DYNC1LI2: variants seen among roughly 807,000 people sequenced by gnomAD.
The protein encoded by DYNC1LI2 is cytoplasmic dynein 1 light intermediate chain 2.
DYNC1LI2 carries 19 observed loss-of-function variants against 57.8 expected under a neutral mutation model. The observed-to-expected ratio is 0.33, with a 90% CI of 0.23 to 0.48. The LOEUF (loss-of-function observed/expected upper bound fraction) is 0.48. DYNC1LI2 is among the 20% of genes least tolerant of loss of function. The pLI is 0.99. For synonymous variants in DYNC1LI2, 256 were observed against 233.4 expected (o/e 1.10, Z -0.88); for missense variants, 470 against 604.2 (o/e 0.78, Z 2.33).
chr16:66,743,601 T>A (rs2017881497), intron 3 of DYNC1LI2, among the ~76,000 whole-genome samples: 1 of 149,860 alleles, frequency 6.7e-6, no homozygotes, highest in Non-Finnish European at 1.5e-5. Flanking sequence ...GTCTCTTAGC[T>A]TTCAATAAAA....
rs921302190 is a variant in DYNC1LI2 at position 66,723,902 on chromosome 16, T to TA, written c.1379-81dup. On this transcript the variant is annotated intron_variant, in intron 12 of 12. Transcript: ENST00000258198. ...TTTTTTTTAAAGGAGCATTTAAAAT[T>TA]ATACGCCTTCTATAATCACTTGATG... is the stretch of plus-strand genomic sequence containing the variant. 3.5e-5 allele frequency: 40 copies of TA among 1,140,800 alleles called. 1 individual carries two copies. The highest frequency in any genetic ancestry group is 1.9e-4 in the Admixed American group (8 of 41,040). The allele number at this position is 1,140,800 out of a possible 1,614,324, so 70.7% of individuals were successfully genotyped here.
At chr16:66,738,928 CACACA>C (rs1567454254) in intron 4 of DYNC1LI2, 9 of 134,530 alleles carry the variant, frequency 6.7e-5, no homozygotes, top group African/African-American at 2.4e-4. Flanking sequence ...CACACACACA[CACACA>C]CAAATACTTC....
intron 4 of DYNC1LI2, among the ~76,000 whole-genome samples, chr16:66,736,990 G>A (rs2017745990): frequency 6.6e-6 from 1 of 152,120 alleles, no homozygotes; most frequent in African/African-American, 2.4e-5. Flanking sequence ...AATGCCTAAT[G>A]AGCTGGGCAC....
chr16:66,727,479 A>G (rs1381010326), intron 11 of DYNC1LI2, among the ~76,000 whole-genome samples: 1 of 152,194 alleles, frequency 6.6e-6, no homozygotes, highest in Admixed American at 6.5e-5. Flanking sequence ...TGGGCTACCA[A>G]TTCTAACAAA....
At chr16:66,723,857 G>A in intron 12 of DYNC1LI2, 35 bp from the exon 13 acceptor site, 1 of 1,546,766 alleles carries the variant, frequency 6.5e-7, no homozygotes, top group Non-Finnish European at 8.7e-7. Context: ...GCAAAGTAAT[G>A]ATGTGAGAAG....
At chr16:66,730,548 C>T (rs2062286576) in intron 7 of DYNC1LI2, 1 of 195,192 alleles carries the variant, frequency 5.1e-6, no homozygotes, top group Admixed American at 5.7e-5. Flanking sequence ...CAGTGGGGTC[C>T]TGTTCCGACA....
chr16:66,729,647 G>A (rs1555505116), intron 8 of DYNC1LI2, among the ~76,000 whole-genome samples: 1 of 148,096 alleles, frequency 6.8e-6, no homozygotes, highest in Non-Finnish European at 1.5e-5. Flanking sequence ...CCCGATCTCG[G>A]CTCATTACAA....
At chr16:66,749,149 C>CA in intron 3 of DYNC1LI2, 48 bp downstream of exon 3, 5 of 1,581,758 alleles carry the variant, frequency 3.2e-6, no homozygotes, top group East Asian at 2.2e-5. Context: ...AGGAAGCAGT[C>CA]AGAGTCCTGC....
intron 8 of DYNC1LI2, among the ~76,000 whole-genome samples, 158 bp downstream of exon 8, chr16:66,729,954 G>T (rs562078163): frequency 6.6e-6 from 1 of 151,944 alleles, no homozygotes; most frequent in East Asian, 1.9e-4. Flanking sequence ...GCTAATTTTT[G>T]TATTTTAGTG....
chr16:66,725,433 G>A (rs905830260), intron 12 of DYNC1LI2, among the ~76,000 whole-genome samples: 3 of 151,998 alleles, frequency 2.0e-5, no homozygotes, highest in Admixed American at 6.6e-5. Flanking sequence ...GTGAGATCAC[G>A]TCATTGCACT....
rs749535317 is a variant in DYNC1LI2 at position 66,742,430 on chromosome 16, T to G, written c.529+8A>C. On this transcript the variant is annotated splice_region_variant and intron_variant, in intron 4 of 12. Coordinates refer to ENST00000258198, the MANE Select transcript of DYNC1LI2 (RefSeq NM_006141.3). ...ACTTCCCAATTAAGAAAATTATATT[T>G]TACTCACACTTCCGTTCCAGCTCCC... 1.4e-5 allele frequency: 22 copies of G among 1,611,450 alleles called. No individual in the cohort carries two copies. The South Asian group carries it at 2.4e-4, about 18-fold the overall frequency.
Position 66,722,292 on chromosome 16 carries a change from A to T in DYNC1LI2, c.*1430T>A, listed in dbSNP as rs1426999183. ...TATGCTTAGACACAGTACAACAAAC[A>T]TTCATATAAAAAAAGTAAACTCCAC... On this transcript the variant is annotated 3_prime_UTR_variant, in exon 13 of 13. Coordinates refer to ENST00000258198, the MANE Select transcript of DYNC1LI2 (RefSeq NM_006141.3). The T allele has an allele frequency of 2.6e-5, 4 of 152,672 alleles. No homozygotes were observed. The highest frequency in any genetic ancestry group is 4.4e-5 in the Non-Finnish European group (3 of 68,040). 9.5% of individuals were successfully genotyped at this position (152,672 alleles called of 1,614,324 possible). A position where few individuals can be genotyped will look rare whatever the true frequency, so the allele number is the denominator to read the frequency against.
At position 66,725,815 on chromosome 16, in the gene DYNC1LI2, G is replaced by A. The variant is rs2017527232; in HGVS notation, c.1378+13C>T. 1.2e-6 allele frequency: 2 copies of A among 1,609,926 alleles called. No homozygotes were observed. The highest frequency in any genetic ancestry group is 2.2e-5 in the East Asian group (1 of 44,860). On this transcript the variant is annotated intron_variant, in intron 12 of 12. Transcript: ENST00000258198. Reference sequence around the variant, plus strand: ...AACCACAAGAGTCACAAGTCTCCAGGGCCCTTCTGTACCTGACTTCTTGGC... The same window carrying A: ...AACCACAAGAGTCACAAGTCTCCAGAGCCCTTCTGTACCTGACTTCTTGGC...
At chr16:66,747,511 C>T (rs1235077974) in intron 3 of DYNC1LI2, among the ~76,000 whole-genome samples, 4 of 151,888 alleles carry the variant, frequency 2.6e-5, no homozygotes, top group African/African-American at 4.8e-5. Context: ...ATTATATAAT[C>T]GCCCATACAT....
chr16:66,730,293 C>G (rs192627008), intron 7 of DYNC1LI2, 70 bp from the exon 8 acceptor site: 1 of 1,346,458 alleles, frequency 7.4e-7, no homozygotes, highest in East Asian at 2.4e-5. Context: ...AGATCACATT[C>G]AGGACTCCTG....
chr16:66,735,845 CAG>C (rs1419290082), intron 5 of DYNC1LI2, among the ~76,000 whole-genome samples: 1 of 152,172 alleles, frequency 6.6e-6, no homozygotes, highest in African/African-American at 2.4e-5. Context: ...AACAGTGCTT[CAG>C]AGACATTAAC....
At chr16:66,749,392 G>A (rs971683485) in intron 2 of DYNC1LI2, 79 bp from the exon 3 acceptor site, 52 of 1,342,184 alleles carry the variant, frequency 3.9e-5, no homozygotes, top group Middle Eastern at 1.8e-4. Flanking sequence ...CACATGACAC[G>A]GAGAAACTAA....
At chr16:66,730,396 C>T in intron 7 of DYNC1LI2, 173 bp from the exon 8 acceptor site, 1 of 568,796 alleles carries the variant, frequency 1.8e-6, no homozygotes, top group Non-Finnish European at 3.1e-6. Flanking sequence ...GGGTATAATC[C>T]ATCAGAACAT....
At position 66,742,627 on chromosome 16, in the gene DYNC1LI2, A is replaced by G. The variant is rs2017861414; in HGVS notation, c.340T>C (p.Tyr114His). ...GCAAATTTCAGCAGGCCTTTGTGGT[A>G]CAAGTCTCCATCCAGAATCCACACG... ...CNVWILDGDL[Y>H]HKGLLKFAVS... The change falls in exon 4 of 13, where the codon TAC becomes CAC. Residue 114 changes from tyrosine to histidine, a missense_variant. Coordinates refer to ENST00000258198, the MANE Select transcript of DYNC1LI2 (RefSeq NM_006141.3). The G allele has an allele frequency of 3.1e-6, 5 of 1,614,230 alleles. No homozygotes were observed. Among genetic ancestry groups the G allele is most frequent in the Non-Finnish European group, 4.2e-6 (5 of 1,180,042 alleles).
Sources: gnomAD v4.1 joint callset for allele counts (sites outside exome capture counted in the v4.1 genomes callset) on GRCh38, gnomAD v4.1.1 for gene constraint, MANE v1.5 for transcripts, NCBI Gene and HGNC (gene_info 2026-07-23, HGNC 2026-07-21) for gene names.